Variants in PEX14 observed in about 807,000 individuals in gnomAD.
PEX14 encodes the protein peroxisomal biogenesis factor 14.
Under a neutral mutation model 49.5 loss-of-function variants are expected in PEX14, and 15 were observed. The ratio of observed to expected loss-of-function variants is 0.30; its 90% CI spans 0.20 to 0.47. The LOEUF (loss-of-function observed/expected upper bound fraction) is 0.47, where lower values mean the gene tolerates loss of function less well. PEX14 is among the 20% of genes least tolerant of loss of function. The pLI, the probability that PEX14 is intolerant of heterozygous loss-of-function variation, is 1.00. For synonymous variants in PEX14, 210 were observed against 212.7 expected (o/e 0.99, Z 0.11); for missense variants, 398 against 494.8 (o/e 0.80, Z 1.86).
At chr1:10,486,961 A>G (rs1463340054) in intron 1 of PEX14, among the ~76,000 whole-genome samples, 1 of 152,066 alleles carries the variant, frequency 6.6e-6, no homozygotes, top group African/African-American at 2.4e-5. Context: ...TGCTGGGATT[A>G]CAGGCGTGAG....
At chr1:10,588,339 G>A (rs1640562957) in intron 3 of PEX14, among the ~76,000 whole-genome samples, 1 of 152,104 alleles carries the variant, frequency 6.6e-6, no homozygotes, top group Non-Finnish European at 1.5e-5. Context: ...ACTGTGCCCA[G>A]CTACATGTAT....
intron 3 of PEX14, among the ~76,000 whole-genome samples, chr1:10,581,601 G>C (rs1006975276): frequency 2.0e-5 from 3 of 151,714 alleles, no homozygotes; most frequent in Non-Finnish European, 4.4e-5. Flanking sequence ...ACCGTGCCTG[G>C]CTAATCCTTG....
At chr1:10,561,967 C>G (rs1425454277) in intron 3 of PEX14, among the ~76,000 whole-genome samples, 1 of 152,186 alleles carries the variant, frequency 6.6e-6, no homozygotes, top group East Asian at 1.9e-4. Context: ...AGGTCTCACT[C>G]TGGCTATCTT....
At chr1:10,567,891 G>A (rs954447983) in intron 3 of PEX14, among the ~76,000 whole-genome samples, 4 of 152,154 alleles carry the variant, frequency 2.6e-5, no homozygotes, top group Admixed American at 6.5e-5. Flanking sequence ...TCAGCATCAC[G>A]AAGTATGGGA....
At chr1:10,602,821 G>A (rs6684576) in intron 4 of PEX14, among the ~76,000 whole-genome samples, 1,856 of 152,262 alleles carry the variant, frequency 0.012, 38 homozygotes, top group African/African-American at 0.043. Context: ...CATTGTCTGC[G>A]TCGGGAGGGA....
At position 10,613,679 on chromosome 1, in the gene PEX14, A is replaced by G. The variant is rs1190264762; in HGVS notation, c.299-4653A>G. On this transcript the variant is annotated intron_variant, in intron 4 of 8. Transcript: ENST00000356607. This position sits in a 1 kb window ranked among gnomAD's most constrained non-coding sequence, Gnocchi z 5.0. ...CTGGGCTCTGAGTGAGAGTGAAGAT[A>G]TCGCCTGTTCTTGGATTCTTTGGGG... Among the ~76,000 whole-genome samples the G allele has an allele frequency of 6.6e-6, 1 of 152,186 alleles. No homozygotes were observed. The highest frequency in any genetic ancestry group is 1.5e-5 in the Non-Finnish European group (1 of 68,036).
chr1:10,619,774 G>C (rs1641537572), intron 5 of PEX14, among the ~76,000 whole-genome samples: 1 of 152,164 alleles, frequency 6.6e-6, no homozygotes, highest in African/African-American at 2.4e-5. Flanking sequence ...TTTAAGTGTA[G>C]CATGTATTCC....
At chr1:10,555,642 A>AGT (rs56824548) in intron 3 of PEX14, among the ~76,000 whole-genome samples, 25,802 of 149,162 alleles carry the variant, frequency 0.17, 2,376 homozygotes, top group East Asian at 0.35. Context: ...GCAAGGTGTG[A>AGT]GTGTGTGTGT....
At chr1:10,609,046 A>C (rs1641203264) in intron 4 of PEX14, among the ~76,000 whole-genome samples, 2 of 152,232 alleles carry the variant, frequency 1.3e-5, no homozygotes, top group Non-Finnish European at 2.9e-5. Context: ...TCTTTCACTT[A>C]ACCTGATGTT....
chr1:10,599,438 G>A (rs745692439), intron 4 of PEX14, 72 bp downstream of exon 4: 1 of 1,554,674 alleles, frequency 6.4e-7, no homozygotes, highest in Non-Finnish European at 8.9e-7. Context: ...GCAGTGTTCT[G>A]TATCTCCCAG....
At position 10,495,385 on chromosome 1, in the gene PEX14, A is replaced by C; in HGVS notation, c.84+64A>C. ...TAAAATGCCACGCGAGTGAAAAGAA[A>C]CCTTCTGTTCCTATGGTTCTGCGTC... On this transcript the variant is annotated intron_variant, in intron 2 of 8. Coordinates refer to ENST00000356607, the MANE Select transcript of PEX14 (RefSeq NM_004565.3). This position sits in a 1 kb window ranked among gnomAD's most constrained non-coding sequence, Gnocchi z 4.2. The C allele has an allele frequency of 7.7e-7, 1 of 1,305,242 alleles. No homozygotes were observed. The highest frequency in any genetic ancestry group is 1.1e-6 in the Non-Finnish European group (1 of 908,406). 80.9% of individuals were successfully genotyped at this position (1,305,242 alleles called of 1,614,324 possible).
At chr1:10,618,844 A>G (rs1166793588) in intron 5 of PEX14, among the ~76,000 whole-genome samples, 1 of 152,240 alleles carries the variant, frequency 6.6e-6, no homozygotes. Context: ...TGGTGATCAC[A>G]GGCTCTGGTC....
chr1:10,525,383 G>A (rs1456883745), intron 2 of PEX14, among the ~76,000 whole-genome samples: 3 of 151,982 alleles, frequency 2.0e-5, no homozygotes, highest in Non-Finnish European at 2.9e-5. Context: ...GCTTTCCTGT[G>A]TTTCACACTT....
chr1:10,536,670 A>G (rs1390554907), intron 3 of PEX14: 2 of 264,218 alleles, frequency 7.6e-6, no homozygotes, highest in East Asian at 1.6e-4. Flanking sequence ...AGCTGCTTCA[A>G]TAGAGAATGA....
At chr1:10,527,515 C>CA (rs1032596691) in intron 2 of PEX14, among the ~76,000 whole-genome samples, 31,054 of 88,788 alleles carry the variant, frequency 0.35, 4,007 homozygotes, top group Admixed American at 0.43. Context: ...GACTCTGTCT[C>CA]AAAAAAAAAA....
At chr1:10,558,703 C>G (rs1490196080) in intron 3 of PEX14, among the ~76,000 whole-genome samples, 1 of 146,236 alleles carries the variant, frequency 6.8e-6, no homozygotes, top group Non-Finnish European at 1.5e-5. Flanking sequence ...CACCACTGCA[C>G]TCCAGTCTGG....
At position 10,624,317 on chromosome 1, in the gene PEX14, CCGT is replaced by C. The variant is rs1193800404; in HGVS notation, c.488-22_488-20del. 10 of 1,525,710 alleles carry C rather than the reference CCGT, an allele frequency of 6.6e-6. No individual in the cohort carries two copies. Among genetic ancestry groups the C allele is most frequent in the Non-Finnish European group, 9.1e-6 (10 of 1,100,100 alleles). The allele number at this position is 1,525,710 out of a possible 1,614,324, so 94.5% of individuals were successfully genotyped here. On this transcript the variant is annotated intron_variant, in intron 6 of 8. Transcript: ENST00000356607. ...GTCTGTGCCTGTGAATTTGCCAGCG[CCGT>C]GACTGCTTTCTCCTCGCAGTGACTC...
rs540036462 is a variant in PEX14 at position 10,602,927 on chromosome 1, A to G, written c.298+3561A>G. 7.2e-5 allele frequency among the ~76,000 whole-genome samples: 11 copies of G among 152,206 alleles called. No individual in the cohort carries two copies. The South Asian group carries it at 1.9e-3, about 26-fold the overall frequency. ...TTTCTTGGCTTTTTACGGACATTCC[A>G]TCTCTGAGCCCAAGGCTAGAAAATG... On this transcript the variant is annotated intron_variant, in intron 4 of 8. Coordinates refer to ENST00000356607, the MANE Select transcript of PEX14 (RefSeq NM_004565.3).
At chr1:10,489,697 G>A (rs1641437302) in intron 1 of PEX14, among the ~76,000 whole-genome samples, 1 of 152,224 alleles carries the variant, frequency 6.6e-6, no homozygotes, top group Admixed American at 6.5e-5. Context: ...TCTTTCTGAA[G>A]TCTGTCCTGC....
Sources: gnomAD v4.1 joint callset for allele counts (sites outside exome capture counted in the v4.1 genomes callset) on GRCh38, gnomAD v4.1.1 for gene constraint, Gnocchi (gnomAD v3.1) non-coding constraint, MANE v1.5 for transcripts, NCBI Gene and HGNC (gene_info 2026-07-23, HGNC 2026-07-21) for gene names.